TENM4: variants seen among roughly 807,000 people sequenced by gnomAD.
TENM4 encodes teneurin-4.
A neutral mutation model predicts 243.3 loss-of-function variants in TENM4; 82 were observed. That is an observed-to-expected ratio of 0.34 (90% CI 0.28 to 0.40). The LOEUF (loss-of-function observed/expected upper bound fraction) is 0.40. Ranked by LOEUF, TENM4 falls within the 10% of genes least tolerant of loss-of-function variation. The pLI is 1.00. For synonymous variants in TENM4, 1,412 were observed against 1,456.3 expected, an observed-to-expected ratio of 0.97 and a Z score of 0.69; for missense variants, 3,138 against 3,673.3, an observed-to-expected ratio of 0.85 and a Z score of 3.77.
At chr11:78,716,930 A>G (rs899335546) in intron 25 of TENM4, among the ~76,000 whole-genome samples, 4 of 152,338 alleles carry the variant, frequency 2.6e-5, no homozygotes, top group African/African-American at 9.6e-5. Flanking sequence ...TCAGAGCATG[A>G]GACGGAAGAC....
chr11:79,078,012 C>G (rs996077537), intron 4 of TENM4, among the ~76,000 whole-genome samples: 1 of 152,152 alleles, frequency 6.6e-6, no homozygotes, highest in African/African-American at 2.4e-5. Flanking sequence ...AAGAAACAAA[C>G]CTGGCCCCTT....
At chr11:79,213,474 G>C (rs567101392) in intron 3 of TENM4, among the ~76,000 whole-genome samples, 4 of 152,346 alleles carry the variant, frequency 2.6e-5, no homozygotes, top group Middle Eastern at 3.4e-3. Flanking sequence ...GGTTTAAGCA[G>C]AAGAGGGGCC....
intron 1 of TENM4, among the ~76,000 whole-genome samples, chr11:79,349,505 T>C (rs1565310352): frequency 6.6e-6 from 1 of 152,218 alleles, no homozygotes; most frequent in Non-Finnish European, 1.5e-5. Flanking sequence ...CATTCCTTCG[T>C]TCATAAATAC....
chr11:79,185,370 C>T (rs1385209048), intron 3 of TENM4, among the ~76,000 whole-genome samples: 1 of 152,110 alleles, frequency 6.6e-6, no homozygotes, highest in Non-Finnish European at 1.5e-5. Flanking sequence ...CAAAAACCCA[C>T]AAATGTTTAA....
At chr11:79,295,689 C>A (rs1393423669) in intron 2 of TENM4, among the ~76,000 whole-genome samples, 2 of 151,996 alleles carry the variant, frequency 1.3e-5, no homozygotes, top group Non-Finnish European at 2.9e-5. Flanking sequence ...TTTGGAGAGA[C>A]CAATATGAAT....
intron 1 of TENM4, among the ~76,000 whole-genome samples, chr11:79,307,943 C>T (rs1856654040): frequency 6.6e-6 from 1 of 152,246 alleles, no homozygotes; most frequent in South Asian, 2.1e-4. Flanking sequence ...TCCCTCTCCT[C>T]CTACCCCATC....
In TENM4 at chr11:79,165,938, C is replaced by T. The variant is rs144932094; in HGVS notation, c.-162-17132G>A. On this transcript the variant is annotated intron_variant, in intron 3 of 33. Coordinates refer to ENST00000278550, the MANE Select transcript of TENM4 (RefSeq NM_001098816.3). ...TGTTGTTGTTTGCTTTGTTGAAGATCACTTGACTGTAAGTATTTGGCTTTA... is the reference window on the plus strand; with the variant it reads ...TGTTGTTGTTTGCTTTGTTGAAGATTACTTGACTGTAAGTATTTGGCTTTA... Among the ~76,000 whole-genome samples the T allele has an allele frequency of 2.9e-4, 44 of 152,250 alleles. No individual in the cohort carries two copies. The East Asian group carries it at 8.1e-3, about 28-fold the overall frequency.
At chr11:79,299,686 T>G (rs1218649976) in intron 1 of TENM4, among the ~76,000 whole-genome samples, 1 of 152,192 alleles carries the variant, frequency 6.6e-6, no homozygotes, top group Non-Finnish European at 1.5e-5. Flanking sequence ...GCTGATAACC[T>G]AATACCCAGG....
At chr11:79,201,349 C>G (rs1423437884) in intron 3 of TENM4, among the ~76,000 whole-genome samples, 1 of 152,182 alleles carries the variant, frequency 6.6e-6, no homozygotes, top group Non-Finnish European at 1.5e-5. Context: ...TTTGGAAGAG[C>G]TGTGGCTAGT....
intron 3 of TENM4, among the ~76,000 whole-genome samples, chr11:79,205,152 A>G (rs1863823819): frequency 6.6e-6 from 1 of 152,064 alleles, no homozygotes; most frequent in African/African-American, 2.4e-5. Flanking sequence ...CTTTTTTTAA[A>G]TTGATATTTG....
intron 1 of TENM4, among the ~76,000 whole-genome samples, chr11:79,375,672 T>G (rs964123978): frequency 6.6e-6 from 1 of 152,188 alleles, no homozygotes; most frequent in African/African-American, 2.4e-5. Context: ...CATAGACCCC[T>G]GCCCTTCGGA....
chr11:79,277,768 C>T (rs1306321451), intron 2 of TENM4, among the ~76,000 whole-genome samples: 2 of 152,060 alleles, frequency 1.3e-5, no homozygotes, highest in Admixed American at 6.5e-5. Flanking sequence ...GACAGAGAAA[C>T]CCCAAAGGTG....
chr11:79,268,117 T>C (rs1472250664), intron 2 of TENM4, among the ~76,000 whole-genome samples: 1 of 152,200 alleles, frequency 6.6e-6, no homozygotes, highest in Non-Finnish European at 1.5e-5. Context: ...AATTCTGGTA[T>C]TGAGACAAGA....
chr11:78,818,961 T>TA (rs11289313), intron 12 of TENM4, among the ~76,000 whole-genome samples: 4,174 of 143,798 alleles, frequency 0.029, 149 homozygotes, highest in African/African-American at 0.093. Context: ...TGGGTCCTGG[T>TA]AAAAAAAAAA....
Position 78,658,666 on chromosome 11 carries a change from T to C in TENM4, c.7702A>G (p.Lys2568Glu). 1.2e-6 allele frequency: 2 copies of C among 1,614,006 alleles called. No homozygotes were observed. The highest frequency in any genetic ancestry group is 1.7e-6 in the Non-Finnish European group (2 of 1,179,882). The change falls in exon 34 of 34, where the codon AAG (lysine) becomes GAG (glutamate). Residue 2568 changes from lysine to glutamate, a missense_variant. Physicochemically the swap from Lys to Glu is moderately conservative, Grantham distance 56. This residue lies in a region of TENM4 where 2,467 missense variants were observed against 3,059.1 expected (regional missense o/e 0.81). Transcript: ENST00000278550. The part of the protein sequence containing the change: ...KFASSGSVFG[K>E]GVKFALKDGR... ...TCCTTCAAGGCAAACTTGACCCCCT[T>C]GCCAAAGACTGAGCCGCTGGATGCA...
At chr11:79,138,306 C>A (rs1591308609) in intron 4 of TENM4, among the ~76,000 whole-genome samples, 1 of 106,180 alleles carries the variant, frequency 9.4e-6, no homozygotes, top group Middle Eastern at 5.1e-3. Flanking sequence ...TTAATAAACT[C>A]CCCTTTATAT....
intron 25 of TENM4, among the ~76,000 whole-genome samples, chr11:78,713,178 C>G (rs1425740685): frequency 8.5e-5 from 13 of 152,212 alleles, no homozygotes; most frequent in Non-Finnish European, 5.9e-5. Flanking sequence ...AGCAGTCCCT[C>G]ATCTCCATCT....
chr11:78,775,781 G>A (rs1273093452), intron 17 of TENM4, among the ~76,000 whole-genome samples: 2 of 152,174 alleles, frequency 1.3e-5, no homozygotes, highest in African/African-American at 4.8e-5. Flanking sequence ...TAGAGTCAAA[G>A]TAATGTAATT....
intron 14 of TENM4, among the ~76,000 whole-genome samples, chr11:78,805,700 G>A (rs11237627): frequency 0.07 from 10,580 of 152,162 alleles, 442 homozygotes; most frequent in Middle Eastern, 0.12. Flanking sequence ...CTACCACTTC[G>A]TTTGTGGGGC....
Sources: allele counts gnomAD v4.1 joint callset (sites outside exome capture counted in the v4.1 genomes callset), GRCh38; gene constraint gnomAD v4.1.1; regional missense constraint gnomAD v4.1.1; transcripts MANE v1.5; gene names NCBI Gene and HGNC (gene_info 2026-07-23, HGNC 2026-07-21).